Variants in TLR6 observed in about 807,000 individuals in gnomAD.
TLR6 encodes toll like receptor 6, also known as toll-like receptor 6.
TLR6 carries 9 observed loss-of-function variants against 16.1 expected under a neutral mutation model. The observed-to-expected ratio is 0.56, with a 90% CI of 0.34 to 0.98. The LOEUF (loss-of-function observed/expected upper bound fraction) is 0.98, where lower values mean the gene tolerates loss of function less well. Among genes scored for constraint, TLR6 ranks in the 50% least tolerant of loss-of-function variants. The probability of loss-of-function intolerance (pLI) is 0.02; values close to 1 mark genes in which losing one functional copy is unlikely to be tolerated. For synonymous variants in TLR6, 340 were observed against 338.6 expected, an observed-to-expected ratio of 1.00 and a Z score of -0.04; for missense variants, 786 against 921.0, an observed-to-expected ratio of 0.85 and a Z score of 1.90.
chr4:38,850,000 G>T (rs1712700641), intron 1 of TLR6, among the ~76,000 whole-genome samples: 1 of 152,164 alleles, frequency 6.6e-6, no homozygotes, highest in Non-Finnish European at 1.5e-5. Flanking sequence ...CACAGCAAAT[G>T]TAAAAGAACA....
the TLR6 span, among the ~76,000 whole-genome samples, chr4:38,861,894 T>C: frequency 6.6e-6 from 1 of 152,200 alleles, no homozygotes; most frequent in Non-Finnish European, 1.5e-5. Flanking sequence ...CAAAACTATC[T>C]GCTTGCTGAT....
chr4:38,830,208 A>G (rs1343466164), intron 1 of TLR6, among the ~76,000 whole-genome samples: 1 of 152,216 alleles, frequency 6.6e-6, no homozygotes, highest in African/African-American at 2.4e-5. Context: ...CAACCTGCAA[A>G]GATCAGGGGT....
intron 1 of TLR6, among the ~76,000 whole-genome samples, chr4:38,850,093 C>G (rs995562500): frequency 6.6e-6 from 1 of 152,212 alleles, no homozygotes; most frequent in Non-Finnish European, 1.5e-5. Context: ...AACCACTCAA[C>G]TACATGGAAA....
At chr4:38,855,944 T>C (rs951032954) in intron 1 of TLR6, among the ~76,000 whole-genome samples, 1 of 151,374 alleles carries the variant, frequency 6.6e-6, no homozygotes, top group Non-Finnish European at 1.5e-5. Context: ...ATAAGCTACA[T>C]TTCAGAAAAA....
the TLR6 span, among the ~76,000 whole-genome samples, chr4:38,867,283 C>T: frequency 1.6e-4 from 24 of 152,232 alleles, no homozygotes; most frequent in Non-Finnish European, 1.5e-5. Context: ...AGGACAAATT[C>T]ACAAATGTGG....
At chr4:38,829,093 A>T in exon 2 of TLR6, 1 of 1,614,164 alleles carries the variant, frequency 6.2e-7, no homozygotes, top group Non-Finnish European at 8.5e-7. Flanking sequence ...TGAATGAGAG[A>T]TCTAAATGCC....
intron 1 of TLR6, among the ~76,000 whole-genome samples, chr4:38,851,713 A>AGG (rs1712781455): frequency 6.6e-6 from 1 of 152,212 alleles, no homozygotes; most frequent in Non-Finnish European, 1.5e-5. Flanking sequence ...GAGAACTACA[A>AGG]ACCACTGCTC....
chr4:38,829,416 T>C, exon 2 of TLR6: 1 of 1,614,066 alleles, frequency 6.2e-7, no homozygotes, highest in Non-Finnish European at 8.5e-7. Context: ...CCAACTATTA[T>C]GATCATAAGG....
At position 38,842,551 on chromosome 4, in the gene TLR6, T is replaced by A. The variant is rs556635689; in HGVS notation, c.-64-13014A>T. 2.0e-5 allele frequency among the ~76,000 whole-genome samples: 3 copies of A among 152,276 alleles called. No individual in the cohort carries two copies. In the East Asian group the frequency reaches 5.8e-4, roughly 29 times the overall value. On this transcript the variant is annotated intron_variant, in intron 1 of 1. Transcript: ENST00000436693. ...CTACAGGGAAAGCAAGGAGCCAGTCTCAGAAACTCAGACATATGCTTAGGA... is the reference window on the plus strand; with the variant it reads ...CTACAGGGAAAGCAAGGAGCCAGTCACAGAAACTCAGACATATGCTTAGGA...
chr4:38,851,037 C>T (rs952937228), intron 1 of TLR6, among the ~76,000 whole-genome samples: 10 of 152,128 alleles, frequency 6.6e-5, no homozygotes, highest in African/African-American at 2.2e-4. Context: ...CCACCATGAT[C>T]AAGTGGGCTT....
intron 1 of TLR6, among the ~76,000 whole-genome samples, chr4:38,852,609 A>C (rs1391245301): frequency 1.3e-5 from 2 of 152,178 alleles, no homozygotes; most frequent in Non-Finnish European, 2.9e-5. Context: ...ACATTTATGC[A>C]GCCAAAAGAC....
exon 2 of TLR6, chr4:38,827,463 T>C (rs371193343): frequency 7.4e-6 from 12 of 1,614,198 alleles, no homozygotes; most frequent in Non-Finnish European, 9.3e-6. Flanking sequence ...TGAAGACAAA[T>C]CTGTATATCT....
the TLR6 span, among the ~76,000 whole-genome samples, chr4:38,865,230 G>A: frequency 6.6e-6 from 1 of 152,050 alleles, no homozygotes. Context: ...ATAAGTATTT[G>A]TCATATTATT....
the TLR6 span, among the ~76,000 whole-genome samples, chr4:38,863,676 T>C: frequency 6.6e-6 from 1 of 152,182 alleles, no homozygotes; most frequent in African/African-American, 2.4e-5. Context: ...TTGTTGGATT[T>C]TTCTTTGAAA....
intron 1 of TLR6, among the ~76,000 whole-genome samples, chr4:38,833,855 A>C (rs1711757886): frequency 6.6e-6 from 1 of 152,142 alleles, no homozygotes; most frequent in Non-Finnish European, 1.5e-5. Context: ...ATAGATATTA[A>C]AAATAGAACA....
At chr4:38,868,004 G>A in the TLR6 span, 1 of 409,548 alleles carries the variant, frequency 2.4e-6, no homozygotes, top group East Asian at 8.6e-5. Context: ...CCCGGCTCTG[G>A]GGTGAGGGTC....
intron 1 of TLR6, among the ~76,000 whole-genome samples, chr4:38,854,160 AATGT>A (rs1221109381): frequency 6.6e-6 from 1 of 152,202 alleles, no homozygotes; most frequent in Non-Finnish European, 1.5e-5. Context: ...TAATATGAAT[AATGT>A]GCAATCTCAC....
At chr4:38,852,265 A>T (rs1482702847) in intron 1 of TLR6, among the ~76,000 whole-genome samples, 1 of 152,218 alleles carries the variant, frequency 6.6e-6, no homozygotes, top group East Asian at 1.9e-4. Flanking sequence ...TAGACTTAAA[A>T]CCATAAAAAC....
chr4:38,867,506 G>T, the TLR6 span, among the ~76,000 whole-genome samples: 1 of 152,152 alleles, frequency 6.6e-6, no homozygotes, highest in South Asian at 2.1e-4. Context: ...ACGGCGGGGG[G>T]TTTTCCAAGC....
Sources: allele counts gnomAD v4.1 joint callset (sites outside exome capture counted in the v4.1 genomes callset), GRCh38; gene constraint gnomAD v4.1.1; transcripts MANE v1.5; gene names NCBI Gene and HGNC (gene_info 2026-07-23, HGNC 2026-07-21).